The following ARHGAP31 variants were observed in gnomAD, a reference collection of about 807,000 sequenced individuals.
ARHGAP31 encodes the protein rho GTPase-activating protein 31.
Under a neutral mutation model 113.9 loss-of-function variants are expected in ARHGAP31, and 34 were observed. The observed-to-expected ratio is 0.30, with a 90% confidence interval of 0.23 to 0.40. The LOEUF (loss-of-function observed/expected upper bound fraction) is 0.40. Ranked by LOEUF, ARHGAP31 falls within the 10% of genes least tolerant of loss-of-function variation. The pLI is 1.00. For missense variants in ARHGAP31, 1,548 were observed against 1,767.1 expected (o/e 0.88, Z 2.22); for synonymous variants, 650 against 684.8 (o/e 0.95, Z 0.79).
chr3:119,415,082 GCACAGCAGTC>G lies in ARHGAP31; in HGVS notation c.3159_3168del (p.Ser1053ArgfsTer35). ...GAAAGGAGCTAGGGACACACCTGGGGCACAGCAGTCCACAGATTAGGCAAGGTGGTGTTCC... is the reference window on the plus strand; with the variant it reads ...GAAAGGAGCTAGGGACACACCTGGGGCACAGATTAGGCAAGGTGGTGTTCC... On this transcript the variant is annotated frameshift_variant, in exon 12 of 12. Transcript: ENST00000264245. LOFTEE classifies it high-confidence loss of function. 1 of 1,613,030 alleles carries G rather than the reference GCACAGCAGTC, an allele frequency of 6.2e-7. No individual in the cohort carries two copies.
At chr3:119,372,751 A>G (rs2080308995) in intron 3 of ARHGAP31, among the ~76,000 whole-genome samples, 1 of 152,216 alleles carries the variant, frequency 6.6e-6, no homozygotes, top group African/African-American at 2.4e-5. Flanking sequence ...TTAATTCTCA[A>G]AATAACCCTA....
chr3:119,413,180 G>T (rs1048969135), intron 11 of ARHGAP31, among the ~76,000 whole-genome samples: 1 of 151,736 alleles, frequency 6.6e-6, no homozygotes, highest in African/African-American at 2.4e-5. Context: ...AGCCAGGTGT[G>T]GTGGTGTGCA....
intron 1 of ARHGAP31, among the ~76,000 whole-genome samples, chr3:119,359,639 A>G (rs1285218426): frequency 1.3e-5 from 2 of 152,134 alleles, no homozygotes; most frequent in Non-Finnish European, 2.9e-5. Context: ...CGCAGAGGCC[A>G]GGGAGGAGCA....
Position 119,345,470 on chromosome 3 carries a change from G to A in ARHGAP31, c.101-19846G>A, listed in dbSNP as rs200784346. 4.6e-5 allele frequency among the ~76,000 whole-genome samples: 7 copies of A among 152,240 alleles called. No homozygotes were observed. In the South Asian group the frequency reaches 8.3e-4, roughly 18 times the overall value. On this transcript the variant is annotated intron_variant, in intron 1 of 11. Transcript: ENST00000264245. ...AAGTGGCAGTGGGAGGCTTTGAACC[G>A]AGGCAGAATGGCTCCAGAACTCATG...
intron 1 of ARHGAP31, chr3:119,324,879 G>C (rs1463668178): frequency 2.2e-6 from 1 of 453,958 alleles, no homozygotes; most frequent in Admixed American, 2.4e-5. Context: ...AAGGTCTCTT[G>C]GTCTCTCAGT....
At chr3:119,358,470 A>G (rs1161716925) in intron 1 of ARHGAP31, among the ~76,000 whole-genome samples, 2 of 152,236 alleles carry the variant, frequency 1.3e-5, no homozygotes, top group Non-Finnish European at 2.9e-5. Flanking sequence ...GAGTCACCAT[A>G]CGACCTAGCC....
chr3:119,396,037 T>C (rs1039730148), intron 8 of ARHGAP31, among the ~76,000 whole-genome samples: 2 of 152,280 alleles, frequency 1.3e-5, no homozygotes, highest in African/African-American at 2.4e-5. Context: ...GAATCAGTGG[T>C]ACAGCCATGA....
chr3:119,338,140 G>A (rs561558410), intron 1 of ARHGAP31, among the ~76,000 whole-genome samples: 1 of 152,170 alleles, frequency 6.6e-6, no homozygotes, highest in East Asian at 1.9e-4. Context: ...AACATGGATT[G>A]GTACATTTTC....
chr3:119,393,336 T>C (rs1378998040), intron 7 of ARHGAP31, 131 bp from the exon 8 acceptor site: 1 of 1,251,616 alleles, frequency 8.0e-7, no homozygotes, highest in Non-Finnish European at 1.2e-6. Context: ...CCTTGGATTT[T>C]AGAGGGGAAT....
chr3:119,356,746 CTTT>C (rs1335738969), intron 1 of ARHGAP31, among the ~76,000 whole-genome samples: 1 of 152,120 alleles, frequency 6.6e-6, no homozygotes, highest in African/African-American at 2.4e-5. Context: ...TTTTCTCATT[CTTT>C]TTAGTGACCA....
At chr3:119,297,124 A>G (rs1418998736) in intron 1 of ARHGAP31, among the ~76,000 whole-genome samples, 2 of 152,248 alleles carry the variant, frequency 1.3e-5, no homozygotes. Flanking sequence ...GACATGCATA[A>G]TATACTGCTT....
chr3:119,398,495 G>A (rs549339922), intron 8 of ARHGAP31, among the ~76,000 whole-genome samples: 52 of 152,300 alleles, frequency 3.4e-4, no homozygotes, highest in Non-Finnish European at 6.6e-4. Flanking sequence ...TCCCTGAAAA[G>A]AGATGGTGTT....
At position 119,343,986 on chromosome 3, in the gene ARHGAP31, G is replaced by C. The variant is rs564321145; in HGVS notation, c.101-21330G>C. Reference sequence around the variant, plus strand: ...CCCTGGAGGGCAAATAGGAGTCAGAGAAAGATTTGTGGTTGTGGCTGTGTG... The same window carrying C: ...CCCTGGAGGGCAAATAGGAGTCAGACAAAGATTTGTGGTTGTGGCTGTGTG... On this transcript the variant is annotated intron_variant, in intron 1 of 11. Coordinates refer to ENST00000264245, the MANE Select transcript of ARHGAP31 (RefSeq NM_020754.4). Among the ~76,000 whole-genome samples the C allele has an allele frequency of 2.0e-4, 31 of 152,358 alleles. 1 individual carries two copies. The highest frequency in any genetic ancestry group is 7.5e-4 in the African/African-American group (31 of 41,588).
intron 1 of ARHGAP31, among the ~76,000 whole-genome samples, chr3:119,347,711 G>A (rs948297201): frequency 2.0e-5 from 3 of 152,132 alleles, no homozygotes; most frequent in Non-Finnish European, 4.4e-5. Context: ...GACACCTTCT[G>A]TGTACCCAAG....
intron 1 of ARHGAP31, among the ~76,000 whole-genome samples, chr3:119,315,208 C>A (rs1467303233): frequency 6.6e-6 from 1 of 152,212 alleles, no homozygotes; most frequent in Non-Finnish European, 1.5e-5. Flanking sequence ...TAACAATGAA[C>A]ATGTATAATA....
At chr3:119,310,184 A>G (rs890394743) in intron 1 of ARHGAP31, among the ~76,000 whole-genome samples, 3 of 152,208 alleles carry the variant, frequency 2.0e-5, no homozygotes, top group Non-Finnish European at 4.4e-5. Context: ...ACATTGGGTA[A>G]TTGAATGCCT....
intron 8 of ARHGAP31, among the ~76,000 whole-genome samples, chr3:119,395,826 C>T (rs1225323344): frequency 6.6e-6 from 1 of 152,120 alleles, no homozygotes; most frequent in African/African-American, 2.4e-5. Context: ...CTGTAATCAT[C>T]GTATGGCAAA....
chr3:119,300,656 C>A (rs2079573354), intron 1 of ARHGAP31, among the ~76,000 whole-genome samples: 1 of 151,864 alleles, frequency 6.6e-6, no homozygotes, highest in Non-Finnish European at 1.5e-5. Context: ...TGGTGAAACC[C>A]CGTCTCTACT....
intron 1 of ARHGAP31, among the ~76,000 whole-genome samples, chr3:119,351,671 C>A (rs769508799): frequency 6.6e-6 from 1 of 152,142 alleles, no homozygotes; most frequent in Non-Finnish European, 1.5e-5. Flanking sequence ...ACATTGTCCT[C>A]ATTCTTAAGA....
Sources: allele counts gnomAD v4.1 joint callset (sites outside exome capture counted in the v4.1 genomes callset), GRCh38; gene constraint gnomAD v4.1.1; transcripts MANE v1.5; gene names NCBI Gene and HGNC (gene_info 2026-07-23, HGNC 2026-07-21).